Variants in MXRA7 observed in about 807,000 individuals in gnomAD.
MXRA7 encodes the protein matrix remodeling associated 7.
MXRA7 carries 18 observed loss-of-function variants against 17.4 expected under a neutral mutation model. The ratio of observed to expected loss-of-function variants is 1.03; its 90% confidence interval spans 0.71 to 1.53. MXRA7 has a LOEUF of 1.53. Ranked by LOEUF, MXRA7 falls within the 40% of genes most tolerant of loss-of-function variation. The pLI is 0.00. For missense variants in MXRA7, 141 were observed against 209.3 expected, an observed-to-expected ratio of 0.67 and a Z score of 2.01; for synonymous variants, 70 against 101.7, an observed-to-expected ratio of 0.69 and a Z score of 1.87.
intron 1 of MXRA7, among the ~76,000 whole-genome samples, chr17:76,692,254 T>G (rs918354226): frequency 2.0e-5 from 3 of 151,334 alleles, no homozygotes; most frequent in African/African-American, 7.3e-5. Flanking sequence ...GAAGTCTGAT[T>G]TTTTCTTTTT....
In MXRA7 at chr17:76,708,151, C is replaced by T. The variant is rs558714676; in HGVS notation, c.342+2454G>A. On this transcript the variant is annotated intron_variant, in intron 1 of 3. Transcript: ENST00000449428. ...CCGTGCACTAGGGGACGCTCCTGAG[C>T]GATCCCCAATAGCAGCTGAAGGCTG... Among the ~76,000 whole-genome samples, 15 of 152,350 alleles carry T rather than the reference C, an allele frequency of 9.8e-5. No individual in the cohort carries two copies. The South Asian group carries it at 2.7e-3, about 27-fold the overall frequency.
chr17:76,704,243 T>G (rs1598360447), intron 1 of MXRA7, among the ~76,000 whole-genome samples: 1 of 117,400 alleles, frequency 8.5e-6, no homozygotes, highest in Non-Finnish European at 1.7e-5. Flanking sequence ...TCTCACTCTG[T>G]CGCCCAGGCT....
chr17:76,688,274 G>A (rs780808295), intron 1 of MXRA7, 98 bp from the exon 2 acceptor site: 2 of 1,553,478 alleles, frequency 1.3e-6, no homozygotes, highest in South Asian at 1.2e-5. Flanking sequence ...GGCCCTCGAA[G>A]GTCCAGCCTG....
chr17:76,688,981 G>A (rs1019101470), intron 1 of MXRA7: 4 of 195,636 alleles, frequency 2.0e-5, no homozygotes, highest in Non-Finnish European at 3.1e-5. Context: ...ACACTGAGCT[G>A]TGCCGGGAGG....
downstream of MXRA7, among the ~76,000 whole-genome samples, chr17:76,679,303 AAG>A (rs1491318734): frequency 6.4e-4 from 86 of 133,784 alleles, 1 homozygote; most frequent in East Asian, 8.0e-3. Context: ...AAAAAAAAAA[AAG>A]AAGAAGAAGA....
At chr17:76,684,059 A>T in intron 3 of MXRA7, 1 of 754,864 alleles carries the variant, frequency 1.3e-6, no homozygotes, top group Non-Finnish European at 2.4e-6. Context: ...ACCCAGGGTG[A>T]AGAGCTTTCC....
chr17:76,701,172 G>T (rs1162549177), intron 1 of MXRA7, among the ~76,000 whole-genome samples: 1 of 152,066 alleles, frequency 6.6e-6, no homozygotes, highest in Non-Finnish European at 1.5e-5. Context: ...GAAACAGGGA[G>T]ACCAGTGAGG....
intron 3 of MXRA7, among the ~76,000 whole-genome samples, chr17:76,682,310 C>T (rs1044676097): frequency 8.5e-5 from 13 of 152,094 alleles, no homozygotes; most frequent in Non-Finnish European, 1.8e-4. Context: ...AGCTGCAACT[C>T]GACTGGACCC....
Position 76,680,006 on chromosome 17 carries a change from A to AG in MXRA7, c.*860dup, listed in dbSNP as rs2076279421. 1 of 812,164 alleles carries AG rather than the reference A, an allele frequency of 1.2e-6. No homozygotes were observed. The highest frequency in any genetic ancestry group is 6.6e-5 in the Admixed American group (1 of 15,156). 50.3% of individuals were successfully genotyped at this position (812,164 alleles called of 1,614,324 possible). On this transcript the variant is annotated 3_prime_UTR_variant, in exon 4 of 4. Coordinates refer to ENST00000449428, the MANE Select transcript of MXRA7 (RefSeq NM_198530.4). ...CCAACAAACCTAAGAACTGCAAATGAGTTTGGTATAGTATAAATATTGTCA... is the reference window on the plus strand; with the variant it reads ...CCAACAAACCTAAGAACTGCAAATGAGGTTTGGTATAGTATAAATATTGTCA...
intron 3 of MXRA7, among the ~76,000 whole-genome samples, chr17:76,682,352 G>C (rs371829625): frequency 9.8e-5 from 15 of 152,320 alleles, no homozygotes; most frequent in African/African-American, 3.4e-4. Context: ...GAGGCATGGA[G>C]GCCGGGAGGG....
chr17:76,688,413 C>A, intron 1 of MXRA7: 1 of 1,397,124 alleles, frequency 7.2e-7, no homozygotes, highest in Non-Finnish European at 9.3e-7. Flanking sequence ...ACTGTGCACC[C>A]CAAGCCCTCG....
intron 1 of MXRA7, chr17:76,690,056 TGAA>T (rs1295520282): frequency 1.4e-5 from 2 of 146,750 alleles, no homozygotes; most frequent in African/African-American, 5.0e-5. Flanking sequence ...GGTGCTGACA[TGAA>T]AAGTACATCA....
At chr17:76,695,619 C>T (rs1555643825) in intron 1 of MXRA7, among the ~76,000 whole-genome samples, 1 of 152,142 alleles carries the variant, frequency 6.6e-6, no homozygotes, top group Non-Finnish European at 1.5e-5. Context: ...AAGAAGGCCT[C>T]AGAGTGGATG....
rs1281890710 is a variant in MXRA7, at chr17:76,710,593, C to T, written c.342+12G>A. On this transcript the variant is annotated intron_variant, in intron 1 of 3. Coordinates refer to ENST00000449428, the MANE Select transcript of MXRA7 (RefSeq NM_198530.4). ...GGGGTGGGGAGGGGGCCGCGAGGGC[C>T]CCGGTGCGTACCTGCCTCGCCTCCA... 3.0e-6 allele frequency: 4 copies of T among 1,345,968 alleles called. No individual in the cohort carries two copies. Among genetic ancestry groups the T allele is most frequent in the Admixed American group, 3.1e-5 (1 of 32,232 alleles). 83.4% of individuals were successfully genotyped at this position (1,345,968 alleles called of 1,614,324 possible).
chr17:76,680,462 G>T lies in MXRA7; in HGVS notation c.*405C>A. ...CATTCCTCAAAGTCTTCTGTGGTTT[G>T]GCTTCAGTGAGGGCAAAAGAGGGGA... is the stretch of plus-strand genomic sequence containing the variant. On this transcript the variant is annotated 3_prime_UTR_variant, in exon 4 of 4. Coordinates refer to ENST00000449428, the MANE Select transcript of MXRA7 (RefSeq NM_198530.4). The T allele has an allele frequency of 2.0e-6, 2 of 992,594 alleles. No individual in the cohort carries two copies. The highest frequency in any genetic ancestry group is 2.4e-6 in the Non-Finnish European group (2 of 834,732). 61.5% of individuals were successfully genotyped at this position (992,594 alleles called of 1,614,324 possible). A position where few individuals can be genotyped will look rare whatever the true frequency, so the allele number is the denominator to read the frequency against.
chr17:76,708,183 G>C (rs959234777), intron 1 of MXRA7, among the ~76,000 whole-genome samples: 3 of 152,222 alleles, frequency 2.0e-5, no homozygotes, highest in Admixed American at 6.5e-5. Context: ...GCTGCTTCCC[G>C]GGGCGAGAGA....
chr17:76,705,835 A>G (rs1466034974), intron 1 of MXRA7, among the ~76,000 whole-genome samples: 1 of 152,244 alleles, frequency 6.6e-6, no homozygotes, highest in East Asian at 1.9e-4. Context: ...TAAGCAACCC[A>G]GTCTGTGGTA....
intron 3 of MXRA7, chr17:76,683,744 A>G: frequency 1.3e-6 from 1 of 768,880 alleles, no homozygotes; most frequent in South Asian, 1.5e-5. Context: ...TCGGTTATGA[A>G]GGCGATGGAG....
rs59677254 is a variant in MXRA7 at position 76,693,475 on chromosome 17, C to CAA, written c.343-5301_343-5300dup. 1.3e-3 allele frequency among the ~76,000 whole-genome samples: 124 copies of CAA among 98,540 alleles called. 1 individual carries two copies. The highest frequency in any genetic ancestry group is 6.1e-3 in the Middle Eastern group (1 of 164). The allele number at this position is 98,540 out of a possible 152,430, so 64.6% of individuals were successfully genotyped here. A position where few individuals can be genotyped will look rare whatever the true frequency, so the allele number is the denominator to read the frequency against. The stretch of plus-strand genomic sequence containing the variant: ...CTGGATTTTTTTTTGAGATCTGTCT[C>CAA]AAAAAAAAAAAAAAAAAAGAAAAAG... On this transcript the variant is annotated intron_variant, in intron 1 of 3. Coordinates refer to ENST00000449428, the MANE Select transcript of MXRA7 (RefSeq NM_198530.4).
Sources: gnomAD v4.1 joint callset for allele counts (sites outside exome capture counted in the v4.1 genomes callset) on GRCh38, gnomAD v4.1.1 for gene constraint, MANE v1.5 for transcripts, NCBI Gene and HGNC (gene_info 2026-07-23, HGNC 2026-07-21) for gene names.